GPR158: variants seen among roughly 807,000 people sequenced by gnomAD.
GPR158 encodes metabotropic glycine receptor.
GPR158 carries 30 observed loss-of-function variants against 78.2 expected under a neutral mutation model. The ratio of observed to expected loss-of-function variants is 0.38; its 90% CI spans 0.29 to 0.52. The LOEUF is 0.52. Among genes scored for constraint, GPR158 ranks in the 20% least tolerant of loss-of-function variants. The probability of loss-of-function intolerance (pLI) is 0.83; values close to 1 mark genes in which losing one functional copy is unlikely to be tolerated. For synonymous variants in GPR158, 581 were observed against 591.1 expected (o/e 0.98, Z 0.25); for missense variants, 1,463 against 1,523.5 (o/e 0.96, Z 0.66).
At chr10:25,336,093 T>A (rs1372995872) in intron 2 of GPR158, among the ~76,000 whole-genome samples, 3 of 152,008 alleles carry the variant, frequency 2.0e-5, no homozygotes, top group African/African-American at 7.2e-5. Flanking sequence ...ACTATTATTG[T>A]AAAAAAATGT....
chr10:25,516,674 T>C (rs544147327), intron 5 of GPR158, among the ~76,000 whole-genome samples: 1 of 113,816 alleles, frequency 8.8e-6, no homozygotes, highest in African/African-American at 3.8e-5. Flanking sequence ...AAAGATCAGA[T>C]AGTTGTAGGT....
At chr10:25,504,145 C>T (rs1165105993) in intron 5 of GPR158, among the ~76,000 whole-genome samples, 1 of 152,180 alleles carries the variant, frequency 6.6e-6, no homozygotes, top group African/African-American at 2.4e-5. Context: ...CTTGCCTCAG[C>T]CTCCCAAAGT....
Position 25,325,468 on chromosome 10 carries a change from T to TACACACAC in GPR158, c.1009-70426_1009-70419dup, listed in dbSNP as rs3054025. 7.1e-3 allele frequency among the ~76,000 whole-genome samples: 1,059 copies of TACACACAC among 150,194 alleles called. 8 individuals are homozygous for TACACACAC. The highest frequency in any genetic ancestry group is 0.025 in the African/African-American group (1,013 of 40,936). ...ATGTATGTCTAAGTATATATATAAT[T>TACACACAC]ACACACACACACACACACACACACT... On this transcript the variant is annotated intron_variant, in intron 2 of 10. Transcript: ENST00000376351.
intron 1 of GPR158, among the ~76,000 whole-genome samples, chr10:25,181,217 T>G (rs1445640904): frequency 6.6e-6 from 1 of 152,206 alleles, no homozygotes; most frequent in Non-Finnish European, 1.5e-5. Flanking sequence ...TTAAAAGGTT[T>G]TCAGATGAAC....
At chr10:25,305,698 C>A (rs1588788115) in intron 2 of GPR158, among the ~76,000 whole-genome samples, 2 of 152,060 alleles carry the variant, frequency 1.3e-5, no homozygotes, top group East Asian at 3.9e-4. Flanking sequence ...TTTCCCTTGG[C>A]TGAGTGTTTT....
In GPR158 at chr10:25,548,037, A is replaced by G. The variant is rs190904535; in HGVS notation, c.1405-2939A>G. Among the ~76,000 whole-genome samples the G allele has an allele frequency of 5.3e-5, 8 of 152,296 alleles. No individual in the cohort carries two copies. In the East Asian group the frequency reaches 1.5e-3, roughly 29 times the overall value. On this transcript the variant is annotated intron_variant, in intron 5 of 10. Coordinates refer to ENST00000376351, the MANE Select transcript of GPR158 (RefSeq NM_020752.3). The stretch of plus-strand genomic sequence containing the variant: ...TCCCTTACTGCCTCACAAAGAGTAA[A>G]TAAATATTGAATATGTCAATTAGGA...
chr10:25,592,325 C>T (rs544917121), intron 8 of GPR158, among the ~76,000 whole-genome samples: 51 of 151,942 alleles, frequency 3.4e-4, no homozygotes, highest in African/African-American at 1.2e-3. Flanking sequence ...AACACAGAGG[C>T]GTTTTTCCCA....
intron 2 of GPR158, among the ~76,000 whole-genome samples, chr10:25,335,283 A>G (rs982280868): frequency 6.6e-6 from 1 of 152,134 alleles, no homozygotes; most frequent in Non-Finnish European, 1.5e-5. Flanking sequence ...ATGCAACTGC[A>G]TTCTTGCTAT....
intron 5 of GPR158, among the ~76,000 whole-genome samples, chr10:25,491,497 C>T (rs2130647820): frequency 6.6e-6 from 1 of 152,264 alleles, no homozygotes; most frequent in Middle Eastern, 3.4e-3. Context: ...TCATTTGTTT[C>T]TGCAGCTTAG....
intron 3 of GPR158, among the ~76,000 whole-genome samples, chr10:25,406,095 T>G (rs1201255152): frequency 6.6e-6 from 1 of 152,168 alleles, no homozygotes; most frequent in Non-Finnish European, 1.5e-5. Flanking sequence ...AGTAGACAGT[T>G]ACTATTACTG....
At chr10:25,289,214 T>G (rs775598347) in intron 2 of GPR158, among the ~76,000 whole-genome samples, 22 of 152,176 alleles carry the variant, frequency 1.4e-4, no homozygotes, top group Non-Finnish European at 2.9e-4. Context: ...GACACAAAGT[T>G]GAATAGGAGA....
At chr10:25,384,614 T>G (rs1361182360) in intron 2 of GPR158, among the ~76,000 whole-genome samples, 1 of 152,128 alleles carries the variant, frequency 6.6e-6, no homozygotes, top group Non-Finnish European at 1.5e-5. Flanking sequence ...TTTATTTGAT[T>G]TTTTTTTCTG....
chr10:25,231,190 T>C (rs559743408), intron 2 of GPR158, among the ~76,000 whole-genome samples: 1 of 152,246 alleles, frequency 6.6e-6, no homozygotes, highest in African/African-American at 2.4e-5. Context: ...CTTATAGGAG[T>C]TGATGTCCAG....
chr10:25,388,942 C>T (rs1055517803), intron 2 of GPR158, among the ~76,000 whole-genome samples: 2 of 152,186 alleles, frequency 1.3e-5, no homozygotes, highest in African/African-American at 4.8e-5. Flanking sequence ...TGTGTGCTTG[C>T]TTGGGACAGT....
At chr10:25,259,412 A>C (rs1283235111) in intron 2 of GPR158, among the ~76,000 whole-genome samples, 1 of 152,124 alleles carries the variant, frequency 6.6e-6, no homozygotes, top group Non-Finnish European at 1.5e-5. Context: ...GCTCTTTTGT[A>C]TAATGTTTCC....
intron 2 of GPR158, among the ~76,000 whole-genome samples, chr10:25,302,309 C>T (rs1404007001): frequency 6.6e-6 from 1 of 150,784 alleles, no homozygotes; most frequent in East Asian, 2.0e-4. Flanking sequence ...TGGTCTCGAT[C>T]TCCTGACTTC....
At chr10:25,340,697 AG>A (rs2130505836) in intron 2 of GPR158, among the ~76,000 whole-genome samples, 1 of 152,200 alleles carries the variant, frequency 6.6e-6, no homozygotes, top group East Asian at 1.9e-4. Flanking sequence ...AGAAATAAAA[AG>A]GTAGACTATG....
chr10:25,354,356 A>C (rs1383895861), intron 2 of GPR158, among the ~76,000 whole-genome samples: 1 of 110,078 alleles, frequency 9.1e-6, no homozygotes, highest in Non-Finnish European at 1.7e-5. Flanking sequence ...ACTCAGTCTC[A>C]AAAAAAAAAA....
At chr10:25,215,424 G>A (rs866003955) in intron 1 of GPR158, among the ~76,000 whole-genome samples, 15 of 152,168 alleles carry the variant, frequency 9.9e-5, no homozygotes, top group African/African-American at 3.4e-4. Flanking sequence ...TTTGCAAGAC[G>A]AAAAGAGTTC....
Sources: gnomAD v4.1 joint callset for allele counts (sites outside exome capture counted in the v4.1 genomes callset) on GRCh38, gnomAD v4.1.1 for gene constraint, MANE v1.5 for transcripts, NCBI Gene and HGNC (gene_info 2026-07-23, HGNC 2026-07-21) for gene names.